The following INPP5B variants were observed in gnomAD, a reference collection of about 807,000 sequenced individuals.
INPP5B encodes the protein type II inositol 1,4,5-trisphosphate 5-phosphatase.
INPP5B carries 90 observed loss-of-function variants against 118.5 expected under a neutral mutation model. That is an observed-to-expected ratio of 0.76 (90% CI 0.64 to 0.90). The LOEUF (loss-of-function observed/expected upper bound fraction) is 0.90, where lower values mean the gene tolerates loss of function less well. Among genes scored for constraint, INPP5B ranks in the 40% least tolerant of loss-of-function variants. The probability of loss-of-function intolerance (pLI) is 0.00; values close to 1 mark genes in which losing one functional copy is unlikely to be tolerated. For synonymous variants in INPP5B, 385 were observed against 418.9 expected (o/e 0.92, Z 0.99); for missense variants, 984 against 1,125.6 (o/e 0.87, Z 1.80).
chr1:37,870,182 C>T (rs183298797), intron 19 of INPP5B, among the ~76,000 whole-genome samples: 12 of 151,612 alleles, frequency 7.9e-5, no homozygotes, highest in Admixed American at 2.0e-4. Flanking sequence ...CTTGCGCTAT[C>T]GCTCAGGTAC....
At chr1:37,877,487 G>T (rs944447305) in intron 16 of INPP5B, among the ~76,000 whole-genome samples, 19 of 152,312 alleles carry the variant, frequency 1.2e-4, no homozygotes, top group Middle Eastern at 3.4e-3. Context: ...ACAAGGGTAT[G>T]GGAAAATAAA....
chr1:37,931,245 C>T, intron 7 of INPP5B: 1 of 381,058 alleles, frequency 2.6e-6, no homozygotes, highest in Non-Finnish European at 4.9e-6. Context: ...ACTGACAGAG[C>T]CCCAACACAT....
At chr1:37,921,027 A>T (rs1226547868) in intron 7 of INPP5B, among the ~76,000 whole-genome samples, 1 of 152,112 alleles carries the variant, frequency 6.6e-6, no homozygotes, top group Non-Finnish European at 1.5e-5. Context: ...AATGGCGTGA[A>T]CACGGGAGGT....
intron 13 of INPP5B, chr1:37,883,793 C>T: frequency 1.0e-6 from 1 of 985,428 alleles, no homozygotes. Context: ...GATAGTTCCA[C>T]CTCGGCAGGC....
chr1:37,866,406 TCACACACA>T (rs57582108), intron 21 of INPP5B, 45 bp downstream of exon 21: 8 of 404,408 alleles, frequency 2.0e-5, no homozygotes, highest in South Asian at 1.2e-4. Context: ...TCTCTCTCTC[TCACACACA>T]CACACACACA....
In INPP5B at chr1:37,864,301, T is replaced by C; in HGVS notation, c.2626+11A>G. On this transcript the variant is annotated intron_variant, in intron 23 of 23. Transcript: ENST00000373024. The stretch of plus-strand genomic sequence containing the variant: ...TGCAGAAATGCTTTCCATAGACATT[T>C]GGCTGCTTACCTAGAATATTCTCAT... 1 of 1,471,022 alleles carries C rather than the reference T, an allele frequency of 6.8e-7. No homozygotes were observed. Among genetic ancestry groups the C allele is most frequent in the Non-Finnish European group, 9.5e-7 (1 of 1,052,730 alleles). 91.1% of individuals were successfully genotyped at this position (1,471,022 alleles called of 1,614,324 possible). A position where few individuals can be genotyped will look rare whatever the true frequency, so the allele number is the denominator to read the frequency against.
intron 7 of INPP5B, among the ~76,000 whole-genome samples, chr1:37,893,085 CTTTTTTTTTTT>C (rs71053999): frequency 0.38 from 31,678 of 83,942 alleles, 4,631 homozygotes; most frequent in Middle Eastern, 0.43. Context: ...TTTTCTTTTT[CTTTTTTTTTTT>C]TTTTTTTTTT....
At chr1:37,882,975 C>A (rs959884970) in intron 13 of INPP5B, 57 bp from the exon 14 acceptor site, 58 of 1,592,042 alleles carry the variant, frequency 3.6e-5, no homozygotes, top group Non-Finnish European at 4.8e-5. Flanking sequence ...ACCTGATCTA[C>A]CCAGGGTGCT....
chr1:37,946,273 A>G lies in INPP5B; in HGVS notation c.36T>C (p.Ala12=), dbSNP rs1298065303. 8.1e-6 allele frequency: 13 copies of G among 1,611,864 alleles called. No homozygotes were observed. Among genetic ancestry groups the G allele is most frequent in the African/African-American group, 1.3e-5 (1 of 74,910 alleles). ...DQSVAIQETL[A]EGEYCVIAVQ... is the part of the protein sequence containing the mutation. ...ATATGATGACGCAGTATTCCCCCTC[A>G]GCCAGCGTCTCCTGGATTGCCACAG... Residue 12 remains alanine (A), a synonymous_variant, in exon 2 of 24, where the codon GCT becomes GCC. Transcript: ENST00000373024.
intron 17 of INPP5B, 113 bp from the exon 18 acceptor site, chr1:37,874,268 A>G (rs1642651472): frequency 1.3e-6 from 1 of 744,760 alleles, no homozygotes; most frequent in Admixed American, 3.3e-5. Flanking sequence ...TCTCTTTTAA[A>G]TGTTTCTGCT....
At chr1:37,897,209 G>A (rs1166255869) in intron 7 of INPP5B, among the ~76,000 whole-genome samples, 5 of 151,748 alleles carry the variant, frequency 3.3e-5, no homozygotes, top group Middle Eastern at 3.4e-3. Context: ...CCCTCTGCCC[G>A]GCCACCACCC....
At chr1:37,912,745 T>A (rs1429452930) in intron 7 of INPP5B, among the ~76,000 whole-genome samples, 3 of 152,188 alleles carry the variant, frequency 2.0e-5, no homozygotes, top group Non-Finnish European at 4.4e-5. Flanking sequence ...TTTACCCTGA[T>A]GAAGTCCTAT....
rs1442074993 is a variant in INPP5B, at chr1:37,864,245, A to G, written c.2626+67T>C. 7 of 879,968 alleles carry G rather than the reference A, an allele frequency of 8.0e-6. No homozygotes were observed. The African/African-American group carries it at 1.0e-4, about 13-fold the overall frequency. The allele number at this position is 879,968 out of a possible 1,614,324, so 54.5% of individuals were successfully genotyped here. A position where few individuals can be genotyped will look rare whatever the true frequency, so the allele number is the denominator to read the frequency against. ...CTGCAAGGGACCTGGGACCCTCCTC[A>G]ACCTCATTTCTCATTACGAGTCTCT... On this transcript the variant is annotated intron_variant, in intron 23 of 23. Transcript: ENST00000373024.
intron 17 of INPP5B, among the ~76,000 whole-genome samples, chr1:37,875,193 AG>A (rs1168461597): frequency 6.6e-6 from 1 of 152,236 alleles, no homozygotes. Context: ...CACAGTCCAT[AG>A]TGCTATAGGT....
rs1025466101 is a variant in INPP5B at position 37,904,832 on chromosome 1, G to A, written c.533-13378C>T. 4.6e-5 allele frequency among the ~76,000 whole-genome samples: 7 copies of A among 151,344 alleles called. No homozygotes were observed. The South Asian group carries it at 1.3e-3, about 27-fold the overall frequency. On this transcript the variant is annotated intron_variant, in intron 7 of 23. Coordinates refer to ENST00000373024, the MANE Select transcript of INPP5B (RefSeq NM_005540.3). ...GCAGAGGTTGCGGTGAGCCAAGATC[G>A]TGCCACTGCACTCCTGCCTGGGAAA...
intron 5 of INPP5B, 128 bp downstream of exon 5, chr1:37,943,512 A>G: frequency 1.1e-6 from 1 of 934,274 alleles, no homozygotes; most frequent in South Asian, 1.6e-5. Flanking sequence ...GGGCTGTGCC[A>G]GATCCTACAG....
intron 6 of INPP5B, among the ~76,000 whole-genome samples, chr1:37,937,904 G>T (rs1340462125): frequency 1.3e-5 from 2 of 150,918 alleles, no homozygotes; most frequent in African/African-American, 2.4e-5. Flanking sequence ...AGAGGCGGAG[G>T]TTGTAGTAAG....
At chr1:37,880,706 T>C (rs1329792627) in intron 14 of INPP5B, among the ~76,000 whole-genome samples, 1 of 151,938 alleles carries the variant, frequency 6.6e-6, no homozygotes, top group Non-Finnish European at 1.5e-5. Flanking sequence ...GTGCTGGGAT[T>C]ACAGGCGTCA....
At chr1:37,878,459 A>G (rs902241734) in intron 15 of INPP5B, 136 bp from the exon 16 acceptor site, 2 of 1,462,814 alleles carry the variant, frequency 1.4e-6, no homozygotes, top group Non-Finnish European at 1.8e-6. Flanking sequence ...AGGCAGCAAG[A>G]GCAATTCGGG....
Sources: allele counts gnomAD v4.1 joint callset (sites outside exome capture counted in the v4.1 genomes callset), GRCh38; gene constraint gnomAD v4.1.1; transcripts MANE v1.5; gene names NCBI Gene and HGNC (gene_info 2026-07-23, HGNC 2026-07-21).